Variants in GRID2 observed in about 807,000 individuals in gnomAD.
The protein encoded by GRID2 is glutamate receptor ionotropic, delta-2.
A neutral mutation model predicts 114.8 loss-of-function variants in GRID2; 33 were observed. The observed-to-expected ratio is 0.29, with a 90% CI of 0.22 to 0.38. The LOEUF is 0.38. GRID2 is among the 10% of genes least tolerant of loss of function. GRID2 has a pLI of 1.00. For missense variants in GRID2, 1,184 were observed against 1,257.7 expected, an observed-to-expected ratio of 0.94 and a Z score of 0.89; for synonymous variants, 505 against 449.9, an observed-to-expected ratio of 1.12 and a Z score of -1.55.
intron 1 of GRID2, among the ~76,000 whole-genome samples, chr4:92,455,712 A>G (rs1003234622): frequency 2.0e-5 from 3 of 152,150 alleles, no homozygotes; most frequent in Non-Finnish European, 4.4e-5. Flanking sequence ...GAGGCACGAG[A>G]GAGGGGAAGA....
At chr4:92,356,818 C>T (rs1728351061) in intron 1 of GRID2, among the ~76,000 whole-genome samples, 1 of 151,730 alleles carries the variant, frequency 6.6e-6, no homozygotes, top group South Asian at 2.1e-4. Flanking sequence ...AAAAAGCCAA[C>T]CCAGAAACAT....
intron 2 of GRID2, among the ~76,000 whole-genome samples, chr4:92,787,083 G>A (rs898686699): frequency 2.6e-5 from 4 of 151,850 alleles, no homozygotes; most frequent in Non-Finnish European, 4.4e-5. Context: ...TATCAATACT[G>A]CATCTGAATA....
chr4:92,469,610 G>A (rs1326108928), intron 1 of GRID2, among the ~76,000 whole-genome samples: 1 of 151,748 alleles, frequency 6.6e-6, no homozygotes, highest in Non-Finnish European at 1.5e-5. Flanking sequence ...CCATGGATGT[G>A]GAATCCAAGA....
chr4:92,448,312 C>G (rs1161116136), intron 1 of GRID2, among the ~76,000 whole-genome samples: 1 of 152,006 alleles, frequency 6.6e-6, no homozygotes. Flanking sequence ...ATAGCCGGGA[C>G]TATAGGTACA....
intron 1 of GRID2, among the ~76,000 whole-genome samples, chr4:92,448,988 A>G (rs2149076444): frequency 1.3e-5 from 2 of 152,154 alleles, no homozygotes; most frequent in African/African-American, 4.8e-5. Flanking sequence ...TCCACAACTA[A>G]TATTTTATTA....
chr4:93,511,885 A>G (rs975987920), intron 12 of GRID2, among the ~76,000 whole-genome samples: 1 of 151,810 alleles, frequency 6.6e-6, no homozygotes, highest in Non-Finnish European at 1.5e-5. Flanking sequence ...CTCGGGTTCA[A>G]GCAATTCTAC....
intron 2 of GRID2, among the ~76,000 whole-genome samples, chr4:92,967,923 T>C (rs1184278777): frequency 2.0e-5 from 3 of 151,900 alleles, no homozygotes; most frequent in Non-Finnish European, 4.4e-5. Flanking sequence ...AGGATGTATC[T>C]CTATTAGCAT....
At chr4:93,614,102 G>C (rs1161566029) in intron 13 of GRID2, among the ~76,000 whole-genome samples, 4 of 152,116 alleles carry the variant, frequency 2.6e-5, no homozygotes, top group Admixed American at 2.6e-4. Context: ...CCCTTTCTTT[G>C]ACTGGGAAAG....
intron 13 of GRID2, among the ~76,000 whole-genome samples, chr4:93,562,822 T>C (rs1735050434): frequency 6.6e-6 from 1 of 152,068 alleles, no homozygotes. Context: ...TTTGCTCCTT[T>C]GTCAAAGATC....
intron 1 of GRID2, among the ~76,000 whole-genome samples, chr4:92,437,248 A>T (rs1195410782): frequency 2.0e-5 from 3 of 152,154 alleles, no homozygotes; most frequent in Non-Finnish European, 4.4e-5. Flanking sequence ...TTGGAAAAAA[A>T]ATGATTCATT....
intron 2 of GRID2, among the ~76,000 whole-genome samples, chr4:92,961,015 T>C (rs1267248014): frequency 6.6e-6 from 1 of 151,962 alleles, no homozygotes; most frequent in African/African-American, 2.4e-5. Flanking sequence ...TGCTGCTTCA[T>C]AGGTAGTGCA....
At chr4:92,956,333 T>C (rs1357214515) in intron 2 of GRID2, among the ~76,000 whole-genome samples, 2 of 152,188 alleles carry the variant, frequency 1.3e-5, no homozygotes, top group African/African-American at 4.8e-5. Flanking sequence ...TGCACAATTA[T>C]GGTATTATGC....
intron 2 of GRID2, among the ~76,000 whole-genome samples, chr4:92,765,314 A>G (rs1194207402): frequency 6.6e-6 from 1 of 152,218 alleles, no homozygotes; most frequent in Non-Finnish European, 1.5e-5. Context: ...GAAACATAAA[A>G]GCAAATTACT....
At chr4:93,653,514 G>T (rs1397402625) in intron 14 of GRID2, among the ~76,000 whole-genome samples, 1 of 152,026 alleles carries the variant, frequency 6.6e-6, no homozygotes, top group Non-Finnish European at 1.5e-5. Flanking sequence ...GTGCTATTTT[G>T]TATGTGTGAA....
chr4:92,720,370 A>G (rs1366862494), intron 2 of GRID2, among the ~76,000 whole-genome samples: 2 of 152,164 alleles, frequency 1.3e-5, no homozygotes, highest in Non-Finnish European at 2.9e-5. Flanking sequence ...ATTCTTTAAA[A>G]TACGTTTGGT....
intron 2 of GRID2, among the ~76,000 whole-genome samples, chr4:92,614,388 T>C (rs1401748245): frequency 6.6e-6 from 1 of 151,670 alleles, no homozygotes; most frequent in Non-Finnish European, 1.5e-5. Context: ...TTAACACTGC[T>C]TTACCTGATT....
chr4:93,787,571 A>G (rs536783016), intron 1 of GRID2, among the ~76,000 whole-genome samples: 19 of 152,250 alleles, frequency 1.2e-4, no homozygotes, highest in African/African-American at 4.3e-4. Context: ...GTTATCTTTC[A>G]TAGCACAGGA....
chr4:93,724,264 G>C (rs1274447782), intron 14 of GRID2, among the ~76,000 whole-genome samples: 6 of 152,150 alleles, frequency 3.9e-5, no homozygotes, highest in Admixed American at 6.6e-5. Flanking sequence ...ATGCGGGATT[G>C]TCATCTTCCT....
At chr4:93,215,991 C>T (rs1025004580) in intron 5 of GRID2, among the ~76,000 whole-genome samples, 1 of 151,994 alleles carries the variant, frequency 6.6e-6, no homozygotes, top group Non-Finnish European at 1.5e-5. Context: ...TACCTTAAAA[C>T]TAAAATTTAT....
Sources: gnomAD v4.1 joint callset for allele counts (sites outside exome capture counted in the v4.1 genomes callset) on GRCh38, gnomAD v4.1.1 for gene constraint, MANE v1.5 for transcripts, NCBI Gene and HGNC (gene_info 2026-07-23, HGNC 2026-07-21) for gene names.